INTS10: variants seen among roughly 807,000 people sequenced by gnomAD.
INTS10 encodes the protein chromosome 8 open reading frame 35.
In INTS10, 44 loss-of-function variants were observed where a neutral mutation model predicts 94.4. The ratio of observed to expected loss-of-function variants is 0.47; its 90% confidence interval spans 0.37 to 0.60. The LOEUF is 0.60. INTS10 is among the 20% of genes least tolerant of loss of function. The probability of loss-of-function intolerance (pLI) is 0.00; values close to 1 mark genes in which losing one functional copy is unlikely to be tolerated. For missense variants in INTS10, 797 were observed against 868.7 expected (o/e 0.92, Z 1.04); for synonymous variants, 341 against 320.7 (o/e 1.06, Z -0.68).
rs1339151604 is a variant in INTS10 at position 19,844,063 on chromosome 8, C to G, written c.1720-13C>G. The G allele has an allele frequency of 2.5e-6, 4 of 1,574,748 alleles. No homozygotes were observed. The highest frequency in any genetic ancestry group is 1.9e-5 in the Admixed American group (1 of 52,026). On this transcript the variant is annotated splice_polypyrimidine_tract_variant and intron_variant, in intron 14 of 16. Coordinates refer to ENST00000397977, the MANE Select transcript of INTS10 (RefSeq NM_018142.4). ...CCTTTTCCTTCTGTCTTGTATAAAT[C>G]TTTGTCTTGCAGCTTAGAGCTTTCA...
chr8:19,831,981 T>A, intron 10 of INTS10, 47 bp from the exon 11 acceptor site: 1 of 1,082,202 alleles, frequency 9.2e-7, no homozygotes, highest in Non-Finnish European at 1.4e-6. Flanking sequence ...GTTTTCTGCT[T>A]CTTTGCTGCA....
intron 5 of INTS10, 95 bp downstream of exon 5, chr8:19,822,615 GA>G (rs2066465318): frequency 1.4e-6 from 1 of 731,894 alleles, no homozygotes; most frequent in African/African-American, 1.8e-5. Context: ...AAAGGCAAAG[GA>G]GCTTTATGTG....
At chr8:19,825,297 C>T (rs145293347) in intron 8 of INTS10, among the ~76,000 whole-genome samples, 13 of 152,174 alleles carry the variant, frequency 8.5e-5, no homozygotes, top group East Asian at 3.9e-4. Context: ...CAGGTGAGGC[C>T]GGTGAATCAC....
intron 10 of INTS10, among the ~76,000 whole-genome samples, chr8:19,830,980 G>A (rs2067186578): frequency 6.6e-6 from 1 of 152,114 alleles, no homozygotes; most frequent in South Asian, 2.1e-4. Flanking sequence ...CCATATTGCT[G>A]TTTTTATCTG....
In INTS10 at chr8:19,823,474, T is replaced by C. The variant is rs1264250070; in HGVS notation, c.664+33T>C. 5 of 1,412,536 alleles carry C rather than the reference T, an allele frequency of 3.5e-6. No homozygotes were observed. The South Asian group carries it at 4.7e-5, about 13-fold the overall frequency. 87.5% of individuals were successfully genotyped at this position (1,412,536 alleles called of 1,614,324 possible). On this transcript the variant is annotated intron_variant, in intron 6 of 16. Coordinates refer to ENST00000397977, the MANE Select transcript of INTS10 (RefSeq NM_018142.4). ...GGAATACCCTGTACTTTTACTTAAA[T>C]AGGCTTTAGTAATATTGCAAAATTC... is the stretch of plus-strand genomic sequence containing the variant.
In INTS10 at chr8:19,823,908, A is replaced by C; in HGVS notation, c.700A>C (p.Lys234Gln). ...TACATCTGATTTAATGTCACCTAGC[A>C]AACGTAGCTCTCAGAAGTACATAAT... ...QDTSDLMSPS[K>Q]RSSQKYIIEG... Residue 234 changes from lysine (K) to glutamine (Q), a missense_variant, in exon 7 of 17, where the codon AAA (lysine) becomes CAA (glutamine). Coordinates refer to ENST00000397977, the MANE Select transcript of INTS10 (RefSeq NM_018142.4). The C allele has an allele frequency of 6.2e-7, 1 of 1,611,734 alleles. No individual in the cohort carries two copies. Among genetic ancestry groups the C allele is most frequent in the Admixed American group, 1.7e-5 (1 of 59,378 alleles).
At chr8:19,827,816 CAACCTG>C (rs1050505333) in intron 9 of INTS10, among the ~76,000 whole-genome samples, 14 of 152,296 alleles carry the variant, frequency 9.2e-5, no homozygotes, top group Middle Eastern at 6.8e-3. Context: ...GAGTCTGCCC[CAACCTG>C]ATGCAGGTCC....
At chr8:19,833,050 A>G in intron 11 of INTS10, 119 bp from the exon 12 acceptor site, 1 of 775,550 alleles carries the variant, frequency 1.3e-6, no homozygotes, top group Non-Finnish European at 1.9e-6. Context: ...TGATCAAACC[A>G]AGCTACCGTC....
At position 19,822,537 on chromosome 8, in the gene INTS10, T is replaced by A. The variant is rs767214178; in HGVS notation, c.523+17T>A. The A allele has an allele frequency of 3.5e-6, 5 of 1,416,022 alleles. No individual in the cohort carries two copies. In the South Asian group the frequency reaches 5.8e-5, roughly 16 times the overall value. The allele number at this position is 1,416,022 out of a possible 1,614,324, so 87.7% of individuals were successfully genotyped here. A position where few individuals can be genotyped will look rare whatever the true frequency, so the allele number is the denominator to read the frequency against. ...AATTATTTGGTAAGGAAAATTGTAT[T>A]CTCTATTACTTCTATGGTAAATTAA... On this transcript the variant is annotated intron_variant, in intron 5 of 16. Coordinates refer to ENST00000397977, the MANE Select transcript of INTS10 (RefSeq NM_018142.4).
chr8:19,832,332 G>A (rs1281395673), intron 11 of INTS10, among the ~76,000 whole-genome samples: 1 of 152,204 alleles, frequency 6.6e-6, no homozygotes, highest in Non-Finnish European at 1.5e-5. Context: ...AGCACTTTGG[G>A]AGGCCGAGGT....
At position 19,836,555 on chromosome 8, in the gene INTS10, T is replaced by C. The variant is rs113322925; in HGVS notation, c.1531-497T>C. On this transcript the variant is annotated intron_variant, in intron 12 of 16. Coordinates refer to ENST00000397977, the MANE Select transcript of INTS10 (RefSeq NM_018142.4). Reference sequence around the variant, plus strand: ...GGCGTCTTTTCTGCATTCCAAATCCTTCCTCTCTTTAAGGCTTAGGTCAAG... The same window carrying C: ...GGCGTCTTTTCTGCATTCCAAATCCCTCCTCTCTTTAAGGCTTAGGTCAAG... Among the ~76,000 whole-genome samples the C allele has an allele frequency of 7.8e-3, 1,189 of 152,338 alleles. 14 individuals carry two copies. Among genetic ancestry groups the C allele is most frequent in the African/African-American group, 0.027 (1,116 of 41,568 alleles).
chr8:19,838,018 C>T (rs2067802537), intron 13 of INTS10, among the ~76,000 whole-genome samples: 1 of 152,078 alleles, frequency 6.6e-6, no homozygotes, highest in Non-Finnish European at 1.5e-5. Flanking sequence ...GAAAAAGTTT[C>T]TTAAACACAA....
intron 12 of INTS10, among the ~76,000 whole-genome samples, chr8:19,836,741 A>C (rs1222289241): frequency 6.6e-6 from 1 of 152,198 alleles, no homozygotes. Flanking sequence ...AGGCAGGGAC[A>C]TCTTTCTTTT....
chr8:19,832,290 G>A (rs1002082010), intron 11 of INTS10, among the ~76,000 whole-genome samples, 180 bp downstream of exon 11: 2 of 152,130 alleles, frequency 1.3e-5, no homozygotes, highest in Non-Finnish European at 2.9e-5. Flanking sequence ...AGTAACTATC[G>A]GCCGGGTGTC....
chr8:19,839,696 G>A (rs554448890), intron 13 of INTS10, among the ~76,000 whole-genome samples: 1 of 151,594 alleles, frequency 6.6e-6, no homozygotes, highest in African/African-American at 2.4e-5. Context: ...AGATTTCCCT[G>A]TCTCAAAAAA....
At chr8:19,838,618 A>C (rs540794190) in intron 13 of INTS10, among the ~76,000 whole-genome samples, 1 of 152,330 alleles carries the variant, frequency 6.6e-6, no homozygotes, top group African/African-American at 2.4e-5. Context: ...AGTAAAACCA[A>C]ACAAGAGTAT....
rs76829730 is a variant in INTS10 at position 19,841,498 on chromosome 8, G to A, written c.1640-1350G>A. ...TTATCCAATCCCCATAGAAAAATAGGCAAAGGACAGGAAGAACAGATTCAC... is the reference window on the plus strand; with the variant it reads ...TTATCCAATCCCCATAGAAAAATAGACAAAGGACAGGAAGAACAGATTCAC... On this transcript the variant is annotated intron_variant, in intron 13 of 16. Transcript: ENST00000397977. Among the ~76,000 whole-genome samples, 36 of 152,206 alleles carry A rather than the reference G, an allele frequency of 2.4e-4. No individual in the cohort carries two copies. The East Asian group carries it at 6.2e-3, about 26-fold the overall frequency.
intron 7 of INTS10, 106 bp downstream of exon 7, chr8:19,824,150 G>T: frequency 2.1e-6 from 2 of 950,610 alleles, no homozygotes; most frequent in Non-Finnish European, 3.1e-6. Context: ...TAGTTTTTGG[G>T]CAAATTTTGT....
intron 14 of INTS10, 47 bp from the exon 15 acceptor site, chr8:19,844,029 C>T (rs1385044450): frequency 1.4e-6 from 2 of 1,476,112 alleles, no homozygotes; most frequent in Admixed American, 2.2e-5. Flanking sequence ...TCAGATTACC[C>T]TGTGACTTCC....
Sources: allele counts gnomAD v4.1 joint callset (sites outside exome capture counted in the v4.1 genomes callset), GRCh38; gene constraint gnomAD v4.1.1; transcripts MANE v1.5; gene names NCBI Gene and HGNC (gene_info 2026-07-23, HGNC 2026-07-21).